RANBP17: variants seen among roughly 807,000 people sequenced by gnomAD.
The protein encoded by RANBP17 is ran-binding protein 17.
A neutral mutation model predicts 141.2 loss-of-function variants in RANBP17; 158 were observed. That is an observed-to-expected ratio of 1.12 (90% CI 0.98 to 1.28). RANBP17 has a LOEUF of 1.28. Among genes scored for constraint, RANBP17 ranks in the 50% most tolerant of loss-of-function variants. RANBP17 has a pLI of 0.00. For synonymous variants in RANBP17, 430 were observed against 450.0 expected, an observed-to-expected ratio of 0.96 and a Z score of 0.56; for missense variants, 1,438 against 1,290.7, an observed-to-expected ratio of 1.11 and a Z score of -1.75.
At chr5:171,061,096 TC>T (rs1561606234) in intron 14 of RANBP17, among the ~76,000 whole-genome samples, 1 of 152,136 alleles carries the variant, frequency 6.6e-6, no homozygotes, top group Non-Finnish European at 1.5e-5. Context: ...ATTTTGTTGA[TC>T]CTTTCAAAAA....
Position 171,251,319 on chromosome 5 carries a change from A to G in RANBP17, c.2776+8499A>G, listed in dbSNP as rs537258693. ...GGTCTCAAACTCCTGGGCTCAAGCA[A>G]TCTGCTCACCTTGGCCTCCTAAAGT... On this transcript the variant is annotated intron_variant, in intron 24 of 27. Transcript: ENST00000523189. Among the ~76,000 whole-genome samples the G allele has an allele frequency of 9.2e-5, 14 of 152,150 alleles. No individual in the cohort carries two copies. In the South Asian group the frequency reaches 2.7e-3, roughly 29 times the overall value.
At chr5:171,155,057 G>A (rs1165626839) in intron 14 of RANBP17, among the ~76,000 whole-genome samples, 2 of 127,964 alleles carry the variant, frequency 1.6e-5, no homozygotes, top group African/African-American at 3.0e-5. Flanking sequence ...CAGCCTGGGC[G>A]ACAGAGTGAT....
In RANBP17 at chr5:171,170,860, G is replaced by A. The variant is rs117254921; in HGVS notation, c.1785-346G>A. Among the ~76,000 whole-genome samples, 66 of 152,238 alleles carry A rather than the reference G, an allele frequency of 4.3e-4. No individual in the cohort carries two copies. In the East Asian group the frequency reaches 0.012, roughly 28 times the overall value. On this transcript the variant is annotated intron_variant, in intron 15 of 27. Coordinates refer to ENST00000523189, the MANE Select transcript of RANBP17 (RefSeq NM_022897.5). ...CAGATTGATGGTTCATTATTTGGCA[G>A]TAACAGTGAGCCTCTATTTGGCTTT...
chr5:171,295,343 G>A (rs930109626), intron 26 of RANBP17, among the ~76,000 whole-genome samples: 1 of 152,006 alleles, frequency 6.6e-6, no homozygotes, highest in Admixed American at 6.6e-5. Flanking sequence ...ACTAAAGCAC[G>A]CCCCTCTAGT....
intron 14 of RANBP17, among the ~76,000 whole-genome samples, chr5:171,126,620 C>A (rs1756487873): frequency 6.6e-6 from 1 of 151,876 alleles, no homozygotes; most frequent in Admixed American, 6.6e-5. Flanking sequence ...ATAAATAAAT[C>A]CAGAAACAAA....
chr5:171,245,584 G>A (rs1328204464), intron 24 of RANBP17, among the ~76,000 whole-genome samples: 1 of 152,166 alleles, frequency 6.6e-6, no homozygotes, highest in Non-Finnish European at 1.5e-5. Context: ...AAAGTGCTGG[G>A]ATTATAGGCA....
chr5:171,092,105 C>G (rs1055416914), intron 14 of RANBP17, among the ~76,000 whole-genome samples: 1 of 152,052 alleles, frequency 6.6e-6, no homozygotes, highest in East Asian at 1.9e-4. Flanking sequence ...ATGGTTCATT[C>G]TAGTAACCCA....
chr5:171,040,599 C>A (rs1260235748), intron 14 of RANBP17, among the ~76,000 whole-genome samples: 1 of 151,874 alleles, frequency 6.6e-6, no homozygotes, highest in Non-Finnish European at 1.5e-5. Context: ...TAGAAGGGGT[C>A]CTTGAATTGA....
chr5:171,048,402 A>G (rs1581488650), intron 14 of RANBP17, among the ~76,000 whole-genome samples: 1 of 152,140 alleles, frequency 6.6e-6, no homozygotes, highest in Admixed American at 6.5e-5. Context: ...TGTTCACACA[A>G]TCTGTCTTTC....
chr5:171,053,776 G>T (rs1163894691), intron 14 of RANBP17, among the ~76,000 whole-genome samples: 2 of 150,600 alleles, frequency 1.3e-5, no homozygotes, highest in Admixed American at 1.3e-4. Flanking sequence ...AGTGGTGAAA[G>T]TGGTCATCCT....
At chr5:171,020,214 CT>C (rs1780753827) in intron 14 of RANBP17, among the ~76,000 whole-genome samples, 1 of 151,940 alleles carries the variant, frequency 6.6e-6, no homozygotes, top group African/African-American at 2.4e-5. Flanking sequence ...GAGTAAGTGC[CT>C]TGTGTCACTG....
chr5:170,919,353 A>T (rs1018333521), intron 10 of RANBP17, 88 bp from the exon 11 acceptor site: 1 of 941,668 alleles, frequency 1.1e-6, no homozygotes, highest in Non-Finnish European at 1.5e-6. Flanking sequence ...AAGTTAATTT[A>T]AAAATGTATG....
intron 5 of RANBP17, among the ~76,000 whole-genome samples, chr5:170,907,968 A>C (rs1771206667): frequency 6.6e-6 from 1 of 151,996 alleles, no homozygotes; most frequent in Non-Finnish European, 1.5e-5. Flanking sequence ...CAAAACCACA[A>C]TGAAATACCA....
At chr5:171,176,840 T>C (rs1760516389) in intron 16 of RANBP17, among the ~76,000 whole-genome samples, 1 of 152,198 alleles carries the variant, frequency 6.6e-6, no homozygotes, top group African/African-American at 2.4e-5. Context: ...GTTTCTGACC[T>C]TCCCACCATT....
intron 14 of RANBP17, among the ~76,000 whole-genome samples, chr5:171,087,143 C>G (rs1437567659): frequency 1.4e-5 from 2 of 146,934 alleles, no homozygotes; most frequent in African/African-American, 5.0e-5. Context: ...GAATGCGTCC[C>G]AGAGATTCTG....
intron 14 of RANBP17, among the ~76,000 whole-genome samples, chr5:171,040,252 CAG>C (rs774403577): frequency 2.0e-5 from 3 of 152,074 alleles, no homozygotes; most frequent in Non-Finnish European, 4.4e-5. Context: ...ACCACTTAAA[CAG>C]AATGAAAAAC....
At chr5:171,182,797 A>G (rs202179092) in intron 16 of RANBP17, among the ~76,000 whole-genome samples, 2 of 112 alleles carry the variant, frequency 0.018, no homozygotes, top group African/African-American at 0.071. Flanking sequence ...TGGGTCTTTT[A>G]TAAAATTATT....
intron 14 of RANBP17, 51 bp downstream of exon 14, chr5:170,968,428 T>A: frequency 6.7e-7 from 1 of 1,491,062 alleles, no homozygotes; most frequent in East Asian, 2.3e-5. Context: ...TGAAGAAAGA[T>A]GTACATATAT....
chr5:170,934,141 C>T (rs529897745), intron 12 of RANBP17, among the ~76,000 whole-genome samples: 23 of 152,178 alleles, frequency 1.5e-4, no homozygotes, highest in African/African-American at 4.3e-4. Context: ...GCTCTTCTTG[C>T]TGAATTGATC....
Sources: gnomAD v4.1 joint callset for allele counts (sites outside exome capture counted in the v4.1 genomes callset) on GRCh38, gnomAD v4.1.1 for gene constraint, MANE v1.5 for transcripts, NCBI Gene and HGNC (gene_info 2026-07-23, HGNC 2026-07-21) for gene names.